The following ZNF805 variants were observed in gnomAD, a reference collection of about 807,000 sequenced individuals.
ZNF805 encodes the protein zinc finger protein 805.
ZNF805 carries 7 observed loss-of-function variants against 13.6 expected under a neutral mutation model. That is an observed-to-expected ratio of 0.51 (90% CI 0.29 to 0.97). ZNF805 has a LOEUF of 0.97. Ranked by LOEUF, ZNF805 falls within the 50% of genes least tolerant of loss-of-function variation. ZNF805 has a pLI of 0.08. For synonymous variants in ZNF805, 293 were observed against 279.8 expected, an observed-to-expected ratio of 1.05 and a Z score of -0.47; for missense variants, 604 against 771.0, an observed-to-expected ratio of 0.78 and a Z score of 2.57.
intron 3 of ZNF805, among the ~76,000 whole-genome samples, chr19:57,249,199 T>A (rs187012636): frequency 6.6e-6 from 1 of 152,044 alleles, no homozygotes; most frequent in Non-Finnish European, 1.5e-5. Context: ...TGGTAGAGAA[T>A]TAAGGGAATA....
chr19:57,244,034 C>A lies in ZNF805; in HGVS notation c.142C>A (p.Leu48Ile). Residue 48 changes from leucine to isoleucine, a missense_variant, in exon 2 of 4, where the codon CTC becomes ATC. This residue lies in a region of ZNF805 where 327 missense variants were observed against 378.2 expected (regional missense o/e 0.86). Coordinates refer to ENST00000414468, the MANE Select transcript of ZNF805 (RefSeq NM_001023563.4). ...GGAGGTGATGCTGGAAAACTGTGGG[C>A]TCCTGGTATCTCTGGGTAAGGCCTT... is the stretch of plus-strand genomic sequence containing the variant. ...YQEVMLENCG[L>I]LVSLGCPVPR... 6.2e-7 allele frequency: 1 copy of A among 1,613,848 alleles called. No homozygotes were observed. The highest frequency in any genetic ancestry group is 8.5e-7 in the Non-Finnish European group (1 of 1,179,884).
chr19:57,245,711 G>A (rs544147805), intron 2 of ZNF805, among the ~76,000 whole-genome samples: 229 of 151,734 alleles, frequency 1.5e-3, no homozygotes, highest in African/African-American at 5.0e-3. Context: ...CCCAGGAGGC[G>A]GAGCTTGCAG....
intron 2 of ZNF805, among the ~76,000 whole-genome samples, chr19:57,245,711 G>T (rs544147805): frequency 6.6e-6 from 1 of 151,628 alleles, no homozygotes; most frequent in Admixed American, 6.6e-5. Flanking sequence ...CCCAGGAGGC[G>T]GAGCTTGCAG....
Position 57,257,365 on chromosome 19 carries a change from A to G in ZNF805, c.*2662A>G, listed in dbSNP as rs988506925. 6.6e-6 allele frequency among the ~76,000 whole-genome samples: 1 copy of G among 152,204 alleles called. No individual in the cohort carries two copies. The highest frequency in any genetic ancestry group is 2.4e-5 in the African/African-American group (1 of 41,448). ...GAGAAGGATGTTGAAGTCCTGAGCT[A>G]TAATTGTGGAATTACCTATTCCTCC... On this transcript the variant is annotated 3_prime_UTR_variant, in exon 4 of 4. Transcript: ENST00000414468.
In ZNF805 at chr19:57,261,136, G is replaced by C. The variant is rs2087721389; in HGVS notation, c.*6433G>C. Among the ~76,000 whole-genome samples the C allele has an allele frequency of 1.3e-5, 2 of 152,152 alleles. No homozygotes were observed. The highest frequency in any genetic ancestry group is 2.9e-5 in the Non-Finnish European group (2 of 68,030). ...TCATAAGGTGGGTCTTTGTTTCCTGGTCATCACTTGTTTTTACTAAAATGG... is the reference window on the plus strand; with the variant it reads ...TCATAAGGTGGGTCTTTGTTTCCTGCTCATCACTTGTTTTTACTAAAATGG... On this transcript the variant is annotated 3_prime_UTR_variant, in exon 4 of 4. Transcript: ENST00000414468.
rs527541427 is a variant in ZNF805 at position 57,261,716 on chromosome 19, A to T, written c.*7013A>T. On this transcript the variant is annotated 3_prime_UTR_variant, in exon 4 of 4. Coordinates refer to ENST00000414468, the MANE Select transcript of ZNF805 (RefSeq NM_001023563.4). ...TACACAATTTTAGAAATCATAATAA[A>T]TGAATGCTGGAGTCCTCAAGACCCC... 6.0e-6 allele frequency: 1 copy of T among 167,184 alleles called. No individual in the cohort carries two copies. The highest frequency in any genetic ancestry group is 6.5e-5 in the Admixed American group (1 of 15,294). The allele number at this position is 167,184 out of a possible 1,614,324, so 10.4% of individuals were successfully genotyped here. A position where few individuals can be genotyped will look rare whatever the true frequency, so the allele number is the denominator to read the frequency against.
rs1218613712 is a variant in ZNF805 at position 57,252,964 on chromosome 19, A to C, written c.254-109A>C. On this transcript the variant is annotated intron_variant, in intron 3 of 3. Transcript: ENST00000414468. ...GGGGTTCAAGATGGCAAAATATAAC[A>C]GACATAAAGGCACCATTTATAACTT... 3 of 991,168 alleles carry C rather than the reference A, an allele frequency of 3.0e-6. No individual in the cohort carries two copies. The East Asian group carries it at 9.1e-5, about 30-fold the overall frequency. The allele number at this position is 991,168 out of a possible 1,614,324, so 61.4% of individuals were successfully genotyped here.
chr19:57,252,747 C>G (rs1458511918), intron 3 of ZNF805, among the ~76,000 whole-genome samples: 1 of 152,124 alleles, frequency 6.6e-6, no homozygotes, highest in Non-Finnish European at 1.5e-5. Flanking sequence ...GCCACCAGAC[C>G]TCAGCCAGAG....
intron 1 of ZNF805, among the ~76,000 whole-genome samples, chr19:57,241,265 A>G (rs2087578230): frequency 6.6e-6 from 1 of 152,094 alleles, no homozygotes; most frequent in South Asian, 2.1e-4. Flanking sequence ...CTCTCTGGTG[A>G]CATTTCAGGA....
chr19:57,252,687 T>C (rs753093015), intron 3 of ZNF805, among the ~76,000 whole-genome samples: 70 of 152,226 alleles, frequency 4.6e-4, no homozygotes, highest in African/African-American at 1.5e-3. Context: ...TCAGCTGATA[T>C]CTTGTGGCTC....
chr19:57,247,756 C>T (rs1272779571), intron 2 of ZNF805, among the ~76,000 whole-genome samples: 1 of 152,200 alleles, frequency 6.6e-6, no homozygotes, highest in Non-Finnish European at 1.5e-5. Flanking sequence ...ACAGAGATGG[C>T]AGGACCTGGG....
At chr19:57,243,285 A>G (rs755220250) in intron 1 of ZNF805, among the ~76,000 whole-genome samples, 7 of 152,122 alleles carry the variant, frequency 4.6e-5, no homozygotes, top group Non-Finnish European at 8.8e-5. Flanking sequence ...CAGGTCAGTG[A>G]CTGTGACATG....
At chr19:57,252,349 C>G (rs1048007121) in intron 3 of ZNF805, among the ~76,000 whole-genome samples, 1 of 152,158 alleles carries the variant, frequency 6.6e-6, no homozygotes. Flanking sequence ...CTGAAACCAA[C>G]CTTAGGTTTC....
intron 3 of ZNF805, 99 bp from the exon 4 acceptor site, chr19:57,252,974 G>C (rs1194462158): frequency 9.2e-7 from 1 of 1,084,062 alleles, no homozygotes; most frequent in African/African-American, 1.6e-5. Context: ...AGACATAAAG[G>C]CACCATTTAT....
In ZNF805 at chr19:57,240,686, G is replaced by A. The variant is rs1193990154; in HGVS notation, c.-206G>A. 1 of 525,900 alleles carries A rather than the reference G, an allele frequency of 1.9e-6. No homozygotes were observed. Among genetic ancestry groups the A allele is most frequent in the Non-Finnish European group, 3.4e-6 (1 of 296,678 alleles). 32.6% of individuals were successfully genotyped at this position (525,900 alleles called of 1,614,324 possible). ...GGCGGTGTTCCGTGGCCGCCTCCCT[G>A]GCGGCGCTGGGGAAATGAGCAGGTA... On this transcript the variant is annotated 5_prime_UTR_variant, in exon 1 of 4. Transcript: ENST00000414468.
chr19:57,246,272 C>T (rs1476636557), intron 2 of ZNF805, among the ~76,000 whole-genome samples: 1 of 152,160 alleles, frequency 6.6e-6, no homozygotes, highest in Non-Finnish European at 1.5e-5. Flanking sequence ...CTCCTGGATT[C>T]AAGCATTTCT....
chr19:57,247,112 C>T (rs898992684), intron 2 of ZNF805, among the ~76,000 whole-genome samples: 7 of 151,566 alleles, frequency 4.6e-5, no homozygotes, highest in Admixed American at 6.6e-5. Context: ...TAGCTCACTG[C>T]GATCCTCACA....
Position 57,257,698 on chromosome 19 carries a change from C to CTTTTTTTT in ZNF805, c.*3013_*3020dup, listed in dbSNP as rs869290620. On this transcript the variant is annotated 3_prime_UTR_variant, in exon 4 of 4. Coordinates refer to ENST00000414468, the MANE Select transcript of ZNF805 (RefSeq NM_001023563.4). ...GTGGTTTTATATCCAGTTTGCGTAT[C>CTTTTTTTT]TTTTTTTTTTTTTTTTTTTTTTTTT... Among the ~76,000 whole-genome samples the CTTTTTTTT allele has an allele frequency of 5.7e-5, 2 of 35,058 alleles. No individual in the cohort carries two copies. The highest frequency in any genetic ancestry group is 1.3e-4 in the African/African-American group (1 of 7,900). The allele number at this position is 35,058 out of a possible 152,430, so 23.0% of individuals were successfully genotyped here. A position where few individuals can be genotyped will look rare whatever the true frequency, so the allele number is the denominator to read the frequency against.
Position 57,253,316 on chromosome 19 carries a change from G to T in ZNF805, c.497G>T (p.Ser166Ile), listed in dbSNP as rs774613218. The change falls in exon 4 of 4, where the codon AGT (serine) becomes ATT (isoleucine). Residue 166 changes from serine to isoleucine, a missense_variant. Physicochemically the swap from Ser to Ile is moderately radical, Grantham distance 142. Around this residue, in one of 3 missense-constraint regions of ZNF805, gnomAD observed 327 missense variants for 378.2 expected, o/e 0.86. Transcript: ENST00000414468. This position sits in a 1 kb window ranked among gnomAD's most constrained non-coding sequence, Gnocchi z 4.4. ...CATGATGGTTTAGGGACAGCTGATA[G>T]TGTGTGTTCAAGGATTATACAGGAT... ...PKHDGLGTAD[S>I]VCSRIIQDRV... 2.5e-6 allele frequency: 4 copies of T among 1,575,586 alleles called. No homozygotes were observed. In the South Asian group the frequency reaches 4.6e-5, roughly 18 times the overall value.
Sources: gnomAD v4.1 joint callset for allele counts (sites outside exome capture counted in the v4.1 genomes callset) on GRCh38, gnomAD v4.1.1 for gene constraint, gnomAD v4.1.1 regional missense constraint, Gnocchi (gnomAD v3.1) non-coding constraint, MANE v1.5 for transcripts, NCBI Gene and HGNC (gene_info 2026-07-23, HGNC 2026-07-21) for gene names.